The following XKR5 variants were observed in gnomAD, a reference collection of about 807,000 sequenced individuals.
XKR5 encodes XK-related protein 5.
Under a neutral mutation model 40.8 loss-of-function variants are expected in XKR5, and 46 were observed. That is an observed-to-expected ratio of 1.13 (90% confidence interval 0.89 to 1.44). The LOEUF (loss-of-function observed/expected upper bound fraction) is 1.44, where lower values mean the gene tolerates loss of function less well. XKR5 is among the 40% of genes most tolerant of loss of function. The pLI is 0.00. For missense variants in XKR5, 1,169 were observed against 844.7 expected (o/e 1.38, Z -4.76); for synonymous variants, 466 against 356.1 (o/e 1.31, Z -3.48).
intron 2 of XKR5, 41 bp downstream of exon 2, chr8:6,832,676 T>C (rs1176963994): frequency 3.7e-6 from 6 of 1,607,916 alleles, no homozygotes; most frequent in Non-Finnish European, 5.1e-6. Context: ...ACTGCACTTG[T>C]GCAATTGTGC....
intron 5 of XKR5, among the ~76,000 whole-genome samples, chr8:6,820,272 G>A (rs1462515754): frequency 1.3e-5 from 2 of 152,234 alleles, no homozygotes; most frequent in Non-Finnish European, 2.9e-5. Flanking sequence ...TCGTGCCACT[G>A]TGGTAGATCT....
Position 6,821,985 on chromosome 8 carries a change from T to TGC in XKR5, c.690_691insGC (p.Ile231AlafsTer68). 7.5e-6 allele frequency: 12 copies of TGC among 1,607,348 alleles called. No homozygotes were observed. The South Asian group carries it at 1.3e-4, about 18-fold the overall frequency. On this transcript the variant is annotated frameshift_variant, in exon 5 of 7. Coordinates refer to ENST00000618742, the MANE Select transcript of XKR5 (RefSeq NM_207411.5). LOFTEE classifies it high-confidence loss of function. ...AGCCTCCAGTGGCAGGTGCTGTCGA[T>TGC]GATGTCACTCTGCTGGGCGACAAGC...
At chr8:6,834,671 C>T (rs1458412209) in intron 1 of XKR5, among the ~76,000 whole-genome samples, 1 of 151,752 alleles carries the variant, frequency 6.6e-6, no homozygotes, top group Non-Finnish European at 1.5e-5. Flanking sequence ...CAGGGTACCC[C>T]CTCTTCCACC....
intron 1 of XKR5, among the ~76,000 whole-genome samples, chr8:6,834,019 C>T (rs139516673): frequency 2.3e-3 from 346 of 152,226 alleles, no homozygotes; most frequent in African/African-American, 8.0e-3. Context: ...ACTACGAAAC[C>T]GTTAGTCCCT....
intron 4 of XKR5, 36 bp downstream of exon 4, chr8:6,823,485 G>A (rs1804329047): frequency 3.2e-6 from 5 of 1,551,164 alleles, no homozygotes; most frequent in East Asian, 2.4e-5. Flanking sequence ...GATTGGTTAT[G>A]CAGCAACAGA....
At chr8:6,828,304 G>C (rs1369784314) in intron 2 of XKR5, among the ~76,000 whole-genome samples, 2 of 152,186 alleles carry the variant, frequency 1.3e-5, no homozygotes, top group Admixed American at 1.3e-4. Context: ...ATGGTAGGAA[G>C]AGCCTAAAGG....
chr8:6,811,606 G>C lies in XKR5; in HGVS notation c.1653C>G (p.Ala551=). The change falls in exon 7 of 7, where the codon GCC becomes GCG. Residue 551 remains alanine (A), a synonymous_variant. Transcript: ENST00000618742. ...TLYFSATAEV[A]TSSQQEGSPA... ...GGCTGCCTTCTTGTTGTGAGGATGTGGCCACTTCTGCAGTGGCGCTGAAGT... is the reference window on the plus strand; with the variant it reads ...GGCTGCCTTCTTGTTGTGAGGATGTCGCCACTTCTGCAGTGGCGCTGAAGT... 6.5e-7 allele frequency: 1 copy of C among 1,537,332 alleles called. No individual in the cohort carries two copies. Among genetic ancestry groups the C allele is most frequent in the Non-Finnish European group, 8.7e-7 (1 of 1,146,952 alleles).
At chr8:6,818,144 A>G (rs1804047159) in intron 5 of XKR5, among the ~76,000 whole-genome samples, 1 of 152,220 alleles carries the variant, frequency 6.6e-6, no homozygotes, top group South Asian at 2.1e-4. Flanking sequence ...TAACTAGCGC[A>G]GGGCTTTTTT....
intron 5 of XKR5, 52 bp downstream of exon 5, chr8:6,821,817 C>T: frequency 6.5e-7 from 1 of 1,546,662 alleles, no homozygotes; most frequent in Non-Finnish European, 8.8e-7. Flanking sequence ...CCACACACAC[C>T]CCACTTGCTG....
chr8:6,821,881 G>A lies in XKR5; in HGVS notation c.795C>T (p.Val265=), dbSNP rs752062421. ...AAGTGCCACTTGCCATGTAGAACGT[G>A]ACCATCCTATTTCTAGAAGGGCTGT... The part of the protein sequence containing the change: ...FWDSPSRNRM[V]TFYMVMLLEN... Residue 265 remains valine (V), a synonymous_variant, in exon 5 of 7, where the codon GTC becomes GTT. Coordinates refer to ENST00000618742, the MANE Select transcript of XKR5 (RefSeq NM_207411.5). The A allele has an allele frequency of 6.2e-7, 1 of 1,613,308 alleles. No homozygotes were observed. The highest frequency in any genetic ancestry group is 8.5e-7 in the Non-Finnish European group (1 of 1,179,636).
At chr8:6,830,296 C>A (rs2117117635) in intron 2 of XKR5, among the ~76,000 whole-genome samples, 1 of 152,292 alleles carries the variant, frequency 6.6e-6, no homozygotes, top group African/African-American at 2.4e-5. Flanking sequence ...AGGTCCTTTT[C>A]TAGAATTGCA....
chr8:6,815,773 G>C, intron 6 of XKR5, 34 bp downstream of exon 6: 1 of 1,441,410 alleles, frequency 6.9e-7, no homozygotes, highest in East Asian at 2.4e-5. Flanking sequence ...CGTTGGGGAG[G>C]GGATGCAGAG....
Position 6,815,790 on chromosome 8 carries a change from G to A in XKR5, c.919+17C>T, listed in dbSNP as rs751723043. On this transcript the variant is annotated intron_variant, in intron 6 of 6. Coordinates refer to ENST00000618742, the MANE Select transcript of XKR5 (RefSeq NM_207411.5). ...TTGGGGAGGGGATGCAGAGAAGAAG[G>A]TGACATTGGGACTTACCAATCAGAA... 4.5e-6 allele frequency: 7 copies of A among 1,542,084 alleles called. No individual in the cohort carries two copies. Among genetic ancestry groups the A allele is most frequent in the Non-Finnish European group, 6.2e-6 (7 of 1,128,932 alleles).
Position 6,822,036 on chromosome 8 carries a change from C to A in XKR5, c.640G>T (p.Ala214Ser). 3 of 1,603,220 alleles carry A rather than the reference C, an allele frequency of 1.9e-6. No homozygotes were observed. The highest frequency in any genetic ancestry group is 2.6e-6 in the Non-Finnish European group (3 of 1,174,732). Residue 214 changes from alanine (A) to serine (S), a missense_variant and splice_region_variant, in exon 5 of 7, where the codon GCC (alanine) becomes TCC (serine). Transcript: ENST00000618742. Reference protein sequence around the residue: ...YHFWVFVVAGAHWLVMTFWLV... With the variant: ...YHFWVFVVAGSHWLVMTFWLV... ...CAGAATGTCATCACCAGCCAGTGGG[C>A]ACCTGCAGAGAAGCCGGGTGCAGAC...
At position 6,812,251 on chromosome 8, in the gene XKR5, A is replaced by G. The variant is rs1386150853; in HGVS notation, c.1008T>C (p.Ile336=). The G allele has an allele frequency of 1.3e-6, 2 of 1,553,138 alleles. No homozygotes were observed. The highest frequency in any genetic ancestry group is 2.7e-5 in the African/African-American group (2 of 73,148). ...TTCTCTCTGTTTTATCACCTCCTGC[A>G]ATGCCACAGGACTTCCTTAGGCAGC... ...WQGCLRKSCG[I]AGGDKTERRD... The change falls in exon 7 of 7, where the codon ATT becomes ATC. Residue 336 remains isoleucine (I), a synonymous_variant. Coordinates refer to ENST00000618742, the MANE Select transcript of XKR5 (RefSeq NM_207411.5).
intron 5 of XKR5, among the ~76,000 whole-genome samples, chr8:6,816,667 T>A (rs1042368158): frequency 1.9e-4 from 26 of 135,170 alleles, no homozygotes; most frequent in Admixed American, 1.1e-3. Context: ...TTTTATTTAA[T>A]TAAATAATTA....
intron 1 of XKR5, 138 bp from the exon 2 acceptor site, chr8:6,833,038 G>A (rs1479284180): frequency 1.3e-5 from 10 of 791,072 alleles, no homozygotes; most frequent in Non-Finnish European, 1.7e-5. Context: ...GGGAGTGACT[G>A]TCCCTCCCAA....
chr8:6,814,381 T>A (rs1215069970), intron 6 of XKR5, among the ~76,000 whole-genome samples: 2 of 152,020 alleles, frequency 1.3e-5, no homozygotes, highest in East Asian at 1.9e-4. Context: ...ATCCCCAGGG[T>A]GCACACACTG....
At chr8:6,833,695 C>T (rs1404984981) in intron 1 of XKR5, among the ~76,000 whole-genome samples, 1 of 151,958 alleles carries the variant, frequency 6.6e-6, no homozygotes, top group African/African-American at 2.4e-5. Flanking sequence ...CAGCCTGGGC[C>T]ACAGAGCAAG....
Sources: gnomAD v4.1 joint callset for allele counts (sites outside exome capture counted in the v4.1 genomes callset) on GRCh38, gnomAD v4.1.1 for gene constraint, MANE v1.5 for transcripts, NCBI Gene and HGNC (gene_info 2026-07-23, HGNC 2026-07-21) for gene names.